TENM3: variants seen among roughly 807,000 people sequenced by gnomAD.
TENM3 encodes the protein teneurin-3.
In TENM3, 63 loss-of-function variants were observed where a neutral mutation model predicts 255.1. The observed-to-expected ratio is 0.25, with a 90% CI of 0.20 to 0.30. The LOEUF (loss-of-function observed/expected upper bound fraction) is 0.30, where lower values mean the gene tolerates loss of function less well. Ranked by LOEUF, TENM3 falls within the 10% of genes least tolerant of loss-of-function variation. The pLI is 1.00. For synonymous variants in TENM3, 1,306 were observed against 1,322.3 expected, an observed-to-expected ratio of 0.99 and a Z score of 0.27; for missense variants, 2,929 against 3,461.1, an observed-to-expected ratio of 0.85 and a Z score of 3.86.
chr4:181,664,550 A>G, the TENM3 span, among the ~76,000 whole-genome samples: 8 of 152,182 alleles, frequency 5.3e-5, no homozygotes, highest in African/African-American at 1.9e-4. Flanking sequence ...TGGTACATGA[A>G]AAGTGCTTAG....
chr4:182,143,320 T>C (rs1749614630), upstream of TENM3: 1 of 167,042 alleles, frequency 6.0e-6, no homozygotes, highest in South Asian at 2.1e-4. The surrounding 1 kb of genome is among the most constrained non-coding windows in gnomAD (Gnocchi z 4.3). Flanking sequence ...TCTGAGTGTT[T>C]ACTGCCTCCC....
intron 1 of TENM3, among the ~76,000 whole-genome samples, chr4:182,158,526 A>G (rs1015998702): frequency 6.6e-6 from 1 of 152,166 alleles, no homozygotes; most frequent in Admixed American, 6.5e-5. Flanking sequence ...TCTTCTACCC[A>G]TTTTGGAGGA....
chr4:182,490,974 A>C (rs1735243013), intron 3 of TENM3, among the ~76,000 whole-genome samples: 2 of 152,172 alleles, frequency 1.3e-5, no homozygotes, highest in African/African-American at 4.8e-5. Context: ...AGGTAATTTA[A>C]CCTACACAGA....
chr4:182,232,438 A>G (rs1209115256), intron 1 of TENM3, among the ~76,000 whole-genome samples: 1 of 152,210 alleles, frequency 6.6e-6, no homozygotes, highest in East Asian at 1.9e-4. Flanking sequence ...TTAAAGACAT[A>G]TATACGGACA....
chr4:181,768,417 T>G, the TENM3 span, among the ~76,000 whole-genome samples: 1 of 152,246 alleles, frequency 6.6e-6, no homozygotes, highest in Non-Finnish European at 1.5e-5. Context: ...GGTTTAATTA[T>G]TGTGTGTTTA....
At chr4:182,748,978 G>A (rs558147842) in intron 19 of TENM3, among the ~76,000 whole-genome samples, 19 of 152,144 alleles carry the variant, frequency 1.2e-4, no homozygotes, top group Non-Finnish European at 2.4e-4. Context: ...ACCACTTTGG[G>A]CATTCTCTCT....
chr4:182,792,766 G>T lies in TENM3; in HGVS notation c.6094G>T (p.Gly2032Cys), dbSNP rs373147440. ...CAGCTTTCGAGTGACCAGCATGCAG[G>T]GTGTGATCAATGAAACGCCACTGCC... ...DNSFRVTSMQ[G>C]VINETPLPID... The change falls in exon 26 of 28, where the codon GGT becomes TGT. Residue 2032 changes from glycine (G) to cysteine (C), a missense_variant. Transcript: ENST00000511685. The surrounding 1 kb of genome is among the most constrained non-coding windows in gnomAD (Gnocchi z 6.3). 2 of 1,613,866 alleles carry T rather than the reference G, an allele frequency of 1.2e-6. No individual in the cohort carries two copies. Among genetic ancestry groups the T allele is most frequent in the Non-Finnish European group, 1.7e-6 (2 of 1,179,884 alleles).
Position 182,792,490 on chromosome 4 carries a change from T to A in TENM3, c.5818T>A (p.Leu1940Met). ...EEGLLLQTAF[L>M]GTSRRVLFKY... ...AGGGCTGCTTCTACAAACAGCTTTCTTGGGTACAAGTCGGAGGGTCTTATT... is the reference window on the plus strand; with the variant it reads ...AGGGCTGCTTCTACAAACAGCTTTCATGGGTACAAGTCGGAGGGTCTTATT... The change falls in exon 26 of 28, where the codon TTG (leucine) becomes ATG (methionine). Residue 1940 changes from leucine to methionine, a missense_variant. This residue lies in a region of TENM3 where 303 missense variants were observed against 425.2 expected (regional missense o/e 0.71). Transcript: ENST00000511685. This position sits in a 1 kb window ranked among gnomAD's most constrained non-coding sequence, Gnocchi z 6.3. 1 of 1,614,026 alleles carries A rather than the reference T, an allele frequency of 6.2e-7. No homozygotes were observed. The highest frequency in any genetic ancestry group is 1.3e-5 in the African/African-American group (1 of 75,058).
At chr4:182,750,799 T>A (rs1762317396) in intron 19 of TENM3, among the ~76,000 whole-genome samples, 1 of 152,158 alleles carries the variant, frequency 6.6e-6, no homozygotes, top group South Asian at 2.1e-4. Flanking sequence ...TACATGGAGT[T>A]TGATAGATTC....
intron 1 of TENM3, among the ~76,000 whole-genome samples, chr4:182,232,332 C>A (rs1405146705): frequency 6.6e-6 from 1 of 152,186 alleles, no homozygotes; most frequent in African/African-American, 2.4e-5. Context: ...GGAGCACTTG[C>A]TACCCCTATT....
At chr4:181,961,636 G>A in the TENM3 span, among the ~76,000 whole-genome samples, 1 of 152,092 alleles carries the variant, frequency 6.6e-6, no homozygotes, top group African/African-American at 2.4e-5. Context: ...AGCCAAGATG[G>A]TCTCGATCTC....
At chr4:181,522,864 T>C in the TENM3 span, 5 of 986,658 alleles carry the variant, frequency 5.1e-6, no homozygotes, top group Admixed American at 7.0e-5. Flanking sequence ...AGCTGGTGTT[T>C]GTGCTGTTAT....
intron 3 of TENM3, chr4:182,449,188 CGGCGGT>C (rs548937766): frequency 3.1e-5 from 3 of 95,548 alleles, no homozygotes; most frequent in Non-Finnish European, 3.9e-5. Flanking sequence ...CCGGGGACCG[CGGCGGT>C]GGCGGTGGCG....
At chr4:182,444,658 C>G (rs938607607) in intron 3 of TENM3, among the ~76,000 whole-genome samples, 1 of 152,156 alleles carries the variant, frequency 6.6e-6, no homozygotes, top group Non-Finnish European at 1.5e-5. Context: ...AAATCGAGGA[C>G]TATCCCTTTT....
At chr4:182,529,589 A>C (rs1296925954) in intron 3 of TENM3, among the ~76,000 whole-genome samples, 1 of 152,100 alleles carries the variant, frequency 6.6e-6, no homozygotes, top group Non-Finnish European at 1.5e-5. Context: ...CATTTGGTTC[A>C]GGGGCCTAGA....
the TENM3 span, among the ~76,000 whole-genome samples, chr4:181,586,420 G>C: frequency 2.6e-5 from 4 of 152,144 alleles, no homozygotes; most frequent in Admixed American, 2.0e-4. Flanking sequence ...GACTCAACTA[G>C]ACAATGAGTC....
the TENM3 span, among the ~76,000 whole-genome samples, chr4:181,984,269 C>G: frequency 3.3e-3 from 497 of 152,070 alleles, 14 homozygotes; most frequent in South Asian, 0.047. Flanking sequence ...AATACAAATA[C>G]AAATAAATAA....
At chr4:182,065,794 G>A in the TENM3 span, among the ~76,000 whole-genome samples, 2 of 152,200 alleles carry the variant, frequency 1.3e-5, no homozygotes, top group African/African-American at 2.4e-5. Context: ...TGGCTGACAG[G>A]AGGACCAAGC....
At chr4:181,912,118 C>T in the TENM3 span, among the ~76,000 whole-genome samples, 1 of 152,180 alleles carries the variant, frequency 6.6e-6, no homozygotes, top group Non-Finnish European at 1.5e-5. Context: ...GCTATTTAAG[C>T]TATTGTGATT....
Sources: allele counts gnomAD v4.1 joint callset (sites outside exome capture counted in the v4.1 genomes callset), GRCh38; gene constraint gnomAD v4.1.1; regional missense constraint gnomAD v4.1.1; non-coding constraint Gnocchi (gnomAD v3.1); transcripts MANE v1.5; gene names NCBI Gene and HGNC (gene_info 2026-07-23, HGNC 2026-07-21).